MYO1D: variants seen among roughly 807,000 people sequenced by gnomAD.
MYO1D encodes unconventional myosin-Id.
In MYO1D, 83 loss-of-function variants were observed where a neutral mutation model predicts 122.0. The ratio of observed to expected loss-of-function variants is 0.68; its 90% CI spans 0.57 to 0.82. The LOEUF (loss-of-function observed/expected upper bound fraction) is 0.82. Ranked by LOEUF, MYO1D falls within the 40% of genes least tolerant of loss-of-function variation. MYO1D has a pLI of 0.00. For missense variants in MYO1D, 1,157 were observed against 1,269.5 expected (o/e 0.91, Z 1.35); for synonymous variants, 464 against 446.9 (o/e 1.04, Z -0.48).
chr17:32,794,139 G>A (rs1480222753), intron 1 of MYO1D: 1 of 152,220 alleles, frequency 6.6e-6, no homozygotes. Context: ...TCTTCTAGCA[G>A]TTCATGGGGA....
chr17:32,799,333 T>G (rs1408268303), intron 1 of MYO1D, among the ~76,000 whole-genome samples: 2 of 152,182 alleles, frequency 1.3e-5, no homozygotes, highest in Non-Finnish European at 2.9e-5. Context: ...GTTGCCAATT[T>G]AAGACAAATA....
chr17:32,771,459 C>A (rs1404615760), intron 5 of MYO1D, among the ~76,000 whole-genome samples: 1 of 152,190 alleles, frequency 6.6e-6, no homozygotes. Flanking sequence ...TGTCTCATCT[C>A]ATTTACAATA....
At chr17:32,528,457 A>ATGTG (rs145802752) in intron 21 of MYO1D, among the ~76,000 whole-genome samples, 3 of 150,724 alleles carry the variant, frequency 2.0e-5, no homozygotes, top group Non-Finnish European at 3.0e-5. Flanking sequence ...GTGTGTGCGT[A>ATGTG]TGTGTGTGTG....
At chr17:32,657,161 TAAAAAGAATTA>T (rs2088488183) in intron 17 of MYO1D, among the ~76,000 whole-genome samples, 1 of 152,174 alleles carries the variant, frequency 6.6e-6, no homozygotes, top group African/African-American at 2.4e-5. Context: ...AAAGCTCAAT[TAAAAAGAATTA>T]CTGTGAAGAA....
rs1451723847 is a variant in MYO1D at position 32,580,472 on chromosome 17, C to T, written c.2864+24615G>A. ...TCACCCAGGCTGGAGTGCAGTGGTGCCATCTCAGCTCACTGCAACCTCTGC... is the reference window on the plus strand; with the variant it reads ...TCACCCAGGCTGGAGTGCAGTGGTGTCATCTCAGCTCACTGCAACCTCTGC... On this transcript the variant is annotated intron_variant, in intron 21 of 21. Coordinates refer to ENST00000318217, the MANE Select transcript of MYO1D (RefSeq NM_015194.3). Among the ~76,000 whole-genome samples, 8 of 142,196 alleles carry T rather than the reference C, an allele frequency of 5.6e-5. No individual in the cohort carries two copies. In the South Asian group the frequency reaches 1.6e-3, roughly 28 times the overall value. The allele number at this position is 142,196 out of a possible 152,430, so 93.3% of individuals were successfully genotyped here. A position where few individuals can be genotyped will look rare whatever the true frequency, so the allele number is the denominator to read the frequency against.
At chr17:32,764,422 T>C (rs1199326824) in intron 8 of MYO1D, among the ~76,000 whole-genome samples, 2 of 152,184 alleles carry the variant, frequency 1.3e-5, no homozygotes, top group Non-Finnish European at 2.9e-5. Flanking sequence ...GGATTTTAAA[T>C]GTTCTCACCA....
chr17:32,800,910 G>T (rs1272835652), intron 1 of MYO1D, among the ~76,000 whole-genome samples: 2 of 151,976 alleles, frequency 1.3e-5, no homozygotes, highest in African/African-American at 2.4e-5. Context: ...TTATCACAAA[G>T]AAACGATAAA....
chr17:32,751,075 A>AT (rs982623717), intron 11 of MYO1D, among the ~76,000 whole-genome samples: 6 of 151,692 alleles, frequency 4.0e-5, no homozygotes, highest in East Asian at 1.9e-4. Context: ...ATTTTTCTTT[A>AT]TTTTTTTTGG....
At chr17:32,688,286 C>T (rs2150972060) in intron 16 of MYO1D, among the ~76,000 whole-genome samples, 1 of 152,332 alleles carries the variant, frequency 6.6e-6, no homozygotes, top group Non-Finnish European at 1.5e-5. Flanking sequence ...TTACCTGCAA[C>T]ACACTTCACA....
At chr17:32,529,899 T>G (rs1334686606) in intron 21 of MYO1D, 1 of 152,244 alleles carries the variant, frequency 6.6e-6, no homozygotes, top group Admixed American at 6.5e-5. Flanking sequence ...GTCTTCCCAC[T>G]GTACCTGGGC....
intron 2 of MYO1D, among the ~76,000 whole-genome samples, chr17:32,779,206 A>G (rs1369548562): frequency 6.6e-6 from 1 of 152,138 alleles, no homozygotes; most frequent in Non-Finnish European, 1.5e-5. Context: ...AATTTCTCCT[A>G]AGGAAATACT....
chr17:32,603,726 T>C (rs538893141), intron 21 of MYO1D, among the ~76,000 whole-genome samples: 1 of 152,014 alleles, frequency 6.6e-6, no homozygotes, highest in Admixed American at 6.6e-5. Flanking sequence ...GGGGTTTCAC[T>C]GTGTTACCCA....
chr17:32,529,861 C>T (rs190253059), intron 21 of MYO1D: 12 of 152,222 alleles, frequency 7.9e-5, no homozygotes, highest in Non-Finnish European at 1.2e-4. Flanking sequence ...TGACTCCCAA[C>T]GCGTAAACAA....
chr17:32,653,707 G>T, intron 19 of MYO1D, 136 bp downstream of exon 19: 1 of 666,200 alleles, frequency 1.5e-6, no homozygotes, highest in Non-Finnish European at 2.5e-6. Flanking sequence ...CAATGCCTCA[G>T]CACAGACAGG....
intron 20 of MYO1D, among the ~76,000 whole-genome samples, chr17:32,638,250 A>G (rs957555227): frequency 2.0e-5 from 3 of 152,244 alleles, no homozygotes; most frequent in Admixed American, 1.3e-4. Flanking sequence ...TATAGTGAAC[A>G]ATAAAGTGGA....
intron 17 of MYO1D, chr17:32,658,578 AAC>A (rs373928684): frequency 5.9e-5 from 9 of 152,422 alleles, no homozygotes; most frequent in African/African-American, 2.2e-4. Flanking sequence ...TCGCTCTAAA[AAC>A]AGTTATTTTC....
chr17:32,528,519 T>C (rs999786946), intron 21 of MYO1D, among the ~76,000 whole-genome samples: 11 of 152,062 alleles, frequency 7.2e-5, no homozygotes, highest in African/African-American at 2.7e-4. Context: ...TGATGCTGAA[T>C]ATGCCCTCCC....
In MYO1D at chr17:32,560,124, A is replaced by G. The variant is rs895812234; in HGVS notation, c.2864+44963T>C. On this transcript the variant is annotated intron_variant, in intron 21 of 21. Transcript: ENST00000318217. ...TACAAAATTAGCCAGGTGTGGTGGC[A>G]TGTGCCTGTAATCCCAGCTACTCAG... Among the ~76,000 whole-genome samples, 4 of 152,126 alleles carry G rather than the reference A, an allele frequency of 2.6e-5. No individual in the cohort carries two copies. The East Asian group carries it at 7.7e-4, about 29-fold the overall frequency.
chr17:32,794,114 A>G (rs1459394745), intron 1 of MYO1D: 1 of 152,242 alleles, frequency 6.6e-6, no homozygotes, highest in Non-Finnish European at 1.5e-5. Context: ...GCTTGGCTTC[A>G]TGTTTATAAA....
Sources: allele counts gnomAD v4.1 joint callset (sites outside exome capture counted in the v4.1 genomes callset), GRCh38; gene constraint gnomAD v4.1.1; transcripts MANE v1.5; gene names NCBI Gene and HGNC (gene_info 2026-07-23, HGNC 2026-07-21).